ING5: variants seen among roughly 807,000 people sequenced by gnomAD.
The protein encoded by ING5 is inhibitor of growth family member 5.
A neutral mutation model predicts 37.4 loss-of-function variants in ING5; 17 were observed. The ratio of observed to expected loss-of-function variants is 0.45; its 90% confidence interval spans 0.31 to 0.68. ING5 has a LOEUF of 0.68. Ranked by LOEUF, ING5 falls within the 30% of genes least tolerant of loss-of-function variation. The pLI, the probability that ING5 is intolerant of heterozygous loss-of-function variation, is 0.05. For missense variants in ING5, 233 were observed against 311.9 expected (o/e 0.75, Z 1.91); for synonymous variants, 123 against 116.6 (o/e 1.06, Z -0.36).
chr2:241,723,428 C>A (rs2070477209), intron 7 of ING5, among the ~76,000 whole-genome samples, 157 bp downstream of exon 7: 1 of 152,220 alleles, frequency 6.6e-6, no homozygotes, highest in Admixed American at 6.5e-5. Flanking sequence ...AGGAGTGTGG[C>A]TGGCTGGTGG....
Position 241,709,896 on chromosome 2 carries a change from C to T in ING5, c.276+514C>T, listed in dbSNP as rs528074818. Among the ~76,000 whole-genome samples, 205 of 151,998 alleles carry T rather than the reference C, an allele frequency of 1.3e-3. 2 individuals are homozygous for T. The highest frequency in any genetic ancestry group is 4.5e-3 in the African/African-American group (188 of 41,476). On this transcript the variant is annotated intron_variant, in intron 3 of 7. Transcript: ENST00000313552. ...TACTGAGATTACAGGCATGAGCCAC[C>T]GTGCCCGACCTCCAGGTGGCCATAT... is the stretch of plus-strand genomic sequence containing the variant.
chr2:241,724,676 CAG>C (rs1691536445), intron 7 of ING5: 1 of 434,722 alleles, frequency 2.3e-6, no homozygotes, highest in Middle Eastern at 6.5e-4. Context: ...AGACTGCAGA[CAG>C]AGGGCACCAG....
At position 241,728,670 on chromosome 2, in the gene ING5, G is replaced by A. The variant is rs554351986; in HGVS notation, c.*3639G>A. On this transcript the variant is annotated 3_prime_UTR_variant, in exon 8 of 8. Coordinates refer to ENST00000313552, the MANE Select transcript of ING5 (RefSeq NM_032329.6). The stretch of plus-strand genomic sequence containing the variant: ...CTGCGTGGCCTCCTGAGCAGCAGCT[G>A]ACCGCCCGTCTCATGCTGGACGGGA... The A allele has an allele frequency of 6.6e-6, 1 of 152,340 alleles. No homozygotes were observed. The allele number at this position is 152,340 out of a possible 1,614,324, so 9.4% of individuals were successfully genotyped here.
chr2:241,721,127 C>T, intron 5 of ING5: 4 of 985,568 alleles, frequency 4.1e-6, no homozygotes, highest in Non-Finnish European at 4.8e-6. Flanking sequence ...CGGTTGGCAG[C>T]AGAGGGTGCT....
exon 1 of ING5, chr2:241,687,097 A>G: frequency 2.6e-6 from 1 of 389,584 alleles, no homozygotes; most frequent in Non-Finnish European, 4.5e-6. Flanking sequence ...CGCGGGCTGG[A>G]CGGCCGGAGA....
At chr2:241,690,566 C>G (rs1442514904) in exon 2 of ING5, 3 of 398,452 alleles carry the variant, frequency 7.5e-6, no homozygotes, top group Non-Finnish European at 1.3e-5. Flanking sequence ...CGTACTGCCA[C>G]TGACAGCCTC....
At chr2:241,701,338 G>A (rs1431310079), upstream of ING5, among the ~76,000 whole-genome samples, 1 of 152,210 alleles carries the variant, frequency 6.6e-6, no homozygotes, top group Non-Finnish European at 1.5e-5. Flanking sequence ...ACTGCCGCAC[G>A]TGCCTTTTCG....
intron 5 of ING5, among the ~76,000 whole-genome samples, chr2:241,716,262 T>A (rs564616260): frequency 4.2e-4 from 63 of 149,744 alleles, no homozygotes; most frequent in African/African-American, 1.4e-3. Flanking sequence ...TTTTCCCCAC[T>A]CTTGTCTTAT....
At chr2:241,713,113 A>G (rs1399693128) in intron 5 of ING5, among the ~76,000 whole-genome samples, 6 of 150,606 alleles carry the variant, frequency 4.0e-5, no homozygotes, top group Non-Finnish European at 5.9e-5. Context: ...CTGGAGTGCA[A>G]TGGCGCCATC....
At chr2:241,705,666 A>G (rs2069888912) in intron 2 of ING5, among the ~76,000 whole-genome samples, 1 of 152,100 alleles carries the variant, frequency 6.6e-6, no homozygotes, top group African/African-American at 2.4e-5. Context: ...TAGGCCTCCC[A>G]AAGTGCTGGG....
intron 2 of ING5, among the ~76,000 whole-genome samples, chr2:241,694,738 G>A (rs886593391): frequency 2.7e-5 from 4 of 147,934 alleles, no homozygotes; most frequent in Admixed American, 6.9e-5. Context: ...TGCAATACTC[G>A]GCCAGGCATG....
chr2:241,699,475 AT>A (rs1386546240), upstream of ING5, among the ~76,000 whole-genome samples: 1 of 152,114 alleles, frequency 6.6e-6, no homozygotes, highest in African/African-American at 2.4e-5. Flanking sequence ...CAGTGGTTTG[AT>A]CATGGCTCAC....
chr2:241,690,614 G>A (rs956146829), exon 2 of ING5: 8 of 398,480 alleles, frequency 2.0e-5, no homozygotes, highest in Non-Finnish European at 3.1e-5. Flanking sequence ...AGGAGCAATG[G>A]GAGCAAGAGT....
chr2:241,724,797 GT>G (rs1691543219), intron 7 of ING5, 191 bp from the exon 8 acceptor site: 3 of 600,396 alleles, frequency 5.0e-6, no homozygotes, highest in Admixed American at 3.0e-5. Flanking sequence ...CAGAACCGGC[GT>G]CCTGCATAGA....
At chr2:241,693,734 T>C (rs2069591976) in intron 2 of ING5, among the ~76,000 whole-genome samples, 1 of 138,940 alleles carries the variant, frequency 7.2e-6, no homozygotes, top group Non-Finnish European at 1.5e-5. Context: ...CTCGGCTAAC[T>C]GCAACCTCCA....
At chr2:241,709,151 G>A in intron 2 of ING5, 65 bp from the exon 3 acceptor site, 1 of 1,514,066 alleles carries the variant, frequency 6.6e-7, no homozygotes, top group Non-Finnish European at 8.9e-7. Flanking sequence ...TTTAGTTGTT[G>A]CCAGTCTGGT....
chr2:241,691,051 C>A (rs2069545630), intron 2 of ING5, among the ~76,000 whole-genome samples: 1 of 150,496 alleles, frequency 6.6e-6, no homozygotes, highest in Admixed American at 6.6e-5. Flanking sequence ...TCAGGTGAGT[C>A]CACCTGCCTC....
At chr2:241,700,392 C>T (rs1446314813), upstream of ING5, among the ~76,000 whole-genome samples, 1 of 151,788 alleles carries the variant, frequency 6.6e-6, no homozygotes, top group African/African-American at 2.4e-5. Flanking sequence ...CTCCTGACCT[C>T]GTGATCCTCC....
At chr2:241,693,652 C>CTTTT (rs1185556171) in intron 2 of ING5, among the ~76,000 whole-genome samples, 1,252 of 78,546 alleles carry the variant, frequency 0.016, 102 homozygotes, top group East Asian at 0.02. Flanking sequence ...AAATACAACT[C>CTTTT]TTTTTTTTTT....
Sources: gnomAD v4.1 joint callset for allele counts (sites outside exome capture counted in the v4.1 genomes callset) on GRCh38, gnomAD v4.1.1 for gene constraint, MANE v1.5 for transcripts, NCBI Gene and HGNC (gene_info 2026-07-23, HGNC 2026-07-21) for gene names.